Variants in DYNC2H1 observed in about 807,000 individuals in gnomAD.
DYNC2H1 encodes the protein cytoplasmic dynein 2 heavy chain 1.
Under a neutral mutation model 570.0 loss-of-function variants are expected in DYNC2H1, and 410 were observed. That is an observed-to-expected ratio of 0.72 (90% CI 0.66 to 0.78). The LOEUF (loss-of-function observed/expected upper bound fraction) is 0.78. Ranked by LOEUF, DYNC2H1 falls within the 30% of genes least tolerant of loss-of-function variation. The pLI is 0.00. For missense variants in DYNC2H1, 4,865 were observed against 5,046.4 expected (o/e 0.96, Z 1.09); for synonymous variants, 1,688 against 1,677.6 (o/e 1.01, Z -0.15).
Position 103,109,828 on chromosome 11 carries a change from C to T in DYNC2H1, c.195+59C>T, listed in dbSNP as rs1313575650. The T allele has an allele frequency of 3.3e-6, 5 of 1,522,624 alleles. No individual in the cohort carries two copies. The East Asian group carries it at 1.1e-4, about 35-fold the overall frequency. The allele number at this position is 1,522,624 out of a possible 1,614,324, so 94.3% of individuals were successfully genotyped here. A position where few individuals can be genotyped will look rare whatever the true frequency, so the allele number is the denominator to read the frequency against. On this transcript the variant is annotated intron_variant, in intron 1 of 88. Coordinates refer to ENST00000375735, the MANE Select transcript of DYNC2H1 (RefSeq NM_001377.3). ...CCACTCTTCAAGTCCCCAGGCCCAG[C>T]CAGAGGGACGTCGGGTCACACTCTT...
chr11:103,280,374 T>C lies in DYNC2H1; in HGVS notation c.10722T>C (p.His3574=). 2 of 1,556,058 alleles carry C rather than the reference T, an allele frequency of 1.3e-6. No homozygotes were observed. The highest frequency in any genetic ancestry group is 2.4e-5 in the South Asian group (2 of 84,432). The change falls in exon 71 of 89, where the codon CAT becomes CAC. Residue 3574 remains histidine, a synonymous_variant. Coordinates refer to ENST00000375735, the MANE Select transcript of DYNC2H1 (RefSeq NM_001377.3). This position sits in a 1 kb window ranked among gnomAD's most constrained non-coding sequence, Gnocchi z 4.7. ...FKADQLMFAL[H]FVRGMHPELF... ...CTGATCAGTTGATGTTCGCTTTGCA[T>C]TTTGTTCGAGGCATGCATCCTGAAC... is the stretch of plus-strand genomic sequence containing the variant.
chr11:103,328,103 A>G (rs1157880157), intron 82 of DYNC2H1, among the ~76,000 whole-genome samples: 1 of 152,214 alleles, frequency 6.6e-6, no homozygotes, highest in Non-Finnish European at 1.5e-5. Context: ...TTATCGTAAT[A>G]TGATCTAATT....
At chr11:103,212,134 A>G (rs182185281) in intron 54 of DYNC2H1, among the ~76,000 whole-genome samples, 191 bp downstream of exon 54, 2 of 152,086 alleles carry the variant, frequency 1.3e-5, no homozygotes, top group Non-Finnish European at 2.9e-5. Flanking sequence ...TATTTTTTTT[A>G]AAATTCAGTG....
intron 82 of DYNC2H1, among the ~76,000 whole-genome samples, chr11:103,350,566 A>T (rs1240578098): frequency 6.6e-6 from 1 of 152,132 alleles, no homozygotes; most frequent in African/African-American, 2.4e-5. Flanking sequence ...AGGTTGTATT[A>T]GTTGGCTTGG....
intron 59 of DYNC2H1, among the ~76,000 whole-genome samples, chr11:103,224,056 G>C (rs1863704469): frequency 6.6e-6 from 1 of 151,984 alleles, no homozygotes; most frequent in Non-Finnish European, 1.5e-5. Flanking sequence ...GGAAATTTAA[G>C]GCTTTTGTAT....
At position 103,239,325 on chromosome 11, in the gene DYNC2H1, T is replaced by C. The variant is rs1864338734; in HGVS notation, c.9819+2786T>C. ...AATTATAATGGTAAATTTACAACTT[T>C]AAAGTTAACTTCTCCACATAGGAAA... is the stretch of plus-strand genomic sequence containing the variant. On this transcript the variant is annotated intron_variant, in intron 63 of 88. Transcript: ENST00000375735. This position sits in a 1 kb window ranked among gnomAD's most constrained non-coding sequence, Gnocchi z 4.3. Among the ~76,000 whole-genome samples, 1 of 152,162 alleles carries C rather than the reference T, an allele frequency of 6.6e-6. No individual in the cohort carries two copies. The highest frequency in any genetic ancestry group is 1.5e-5 in the Non-Finnish European group (1 of 68,020).
rs1174969425 is a variant in DYNC2H1, at chr11:103,129,494, C to T, written c.1953+489C>T. On this transcript the variant is annotated intron_variant, in intron 13 of 88. Coordinates refer to ENST00000375735, the MANE Select transcript of DYNC2H1 (RefSeq NM_001377.3). This position sits in a 1 kb window ranked among gnomAD's most constrained non-coding sequence, Gnocchi z 4.1. ...ATCAGGGGTTTGAGACCAGCCTGGC[C>T]AACATGGTGAAACCCCATCTCAACT... Among the ~76,000 whole-genome samples the T allele has an allele frequency of 6.6e-6, 1 of 152,040 alleles. No individual in the cohort carries two copies. The highest frequency in any genetic ancestry group is 1.5e-5 in the Non-Finnish European group (1 of 68,002).
intron 59 of DYNC2H1, among the ~76,000 whole-genome samples, 186 bp downstream of exon 59, chr11:103,223,272 G>A (rs998483529): frequency 6.6e-6 from 1 of 152,076 alleles, no homozygotes; most frequent in African/African-American, 2.4e-5. Context: ...ATTAGAAGGA[G>A]AGAGAAGAAC....
chr11:103,188,750 A>G, intron 44 of DYNC2H1, 102 bp downstream of exon 44: 1 of 984,012 alleles, frequency 1.0e-6, no homozygotes, highest in Non-Finnish European at 1.4e-6. Context: ...TTTAGAATAT[A>G]AAAATGGTCA....
intron 83 of DYNC2H1, among the ~76,000 whole-genome samples, chr11:103,391,487 T>G (rs1481236936): frequency 2.0e-5 from 3 of 152,234 alleles, no homozygotes; most frequent in African/African-American, 7.2e-5. Context: ...GAAGCCTACT[T>G]CTCTCAACTC....
chr11:103,232,347 C>T (rs1232591402), intron 60 of DYNC2H1, among the ~76,000 whole-genome samples: 1 of 151,852 alleles, frequency 6.6e-6, no homozygotes, highest in Non-Finnish European at 1.5e-5. Context: ...TGAAGTTGAG[C>T]AGCTAGTAAA....
chr11:103,344,771 C>T (rs926531678), intron 82 of DYNC2H1, among the ~76,000 whole-genome samples: 7 of 152,080 alleles, frequency 4.6e-5, no homozygotes, highest in African/African-American at 7.2e-5. Flanking sequence ...AAATATAACA[C>T]TTAATATATA....
chr11:103,210,537 T>C (rs151118673), intron 53 of DYNC2H1, among the ~76,000 whole-genome samples: 1 of 152,144 alleles, frequency 6.6e-6, no homozygotes, highest in East Asian at 1.9e-4. Context: ...TGGTAGCTCA[T>C]AGTCCAGTGA....
intron 82 of DYNC2H1, among the ~76,000 whole-genome samples, chr11:103,330,217 T>C (rs313388): frequency 0.31 from 46,983 of 152,070 alleles, 8,594 homozygotes; most frequent in Non-Finnish European, 0.4. Context: ...TAAGTTTGTA[T>C]CTTGTGAATT....
In DYNC2H1 at chr11:103,304,689, T is replaced by C; in HGVS notation, c.11351T>C (p.Leu3784Pro). 1 of 1,612,980 alleles carries C rather than the reference T, an allele frequency of 6.2e-7. No individual in the cohort carries two copies. The highest frequency in any genetic ancestry group is 8.5e-7 in the Non-Finnish European group (1 of 1,179,254). Residue 3784 changes from leucine to proline, a missense_variant, in exon 77 of 89, where the codon CTT (leucine) becomes CCT (proline). Physicochemically the swap from Leu to Pro is moderately conservative, Grantham distance 98. Around this residue, in one of 5 missense-constraint regions of DYNC2H1, gnomAD observed 2,401 missense variants for 2,454.6 expected, o/e 0.98. Transcript: ENST00000375735. ...TGGCTCTGTTTGAAGAACTTACATC[T>C]TGTGGTATCTTGGCTGCCAGTTCTG... ...GDWLCLKNLHLVVSWLPVLEK... is the reference protein window; with the variant it reads ...GDWLCLKNLHPVVSWLPVLEK...
chr11:103,186,577 A>T lies in DYNC2H1; in HGVS notation c.6893+76A>T. 6.6e-7 allele frequency: 1 copy of T among 1,517,082 alleles called. No individual in the cohort carries two copies. Among genetic ancestry groups the T allele is most frequent in the Non-Finnish European group, 8.8e-7 (1 of 1,137,090 alleles). 94.0% of individuals were successfully genotyped at this position (1,517,082 alleles called of 1,614,324 possible). A position where few individuals can be genotyped will look rare whatever the true frequency, so the allele number is the denominator to read the frequency against. ...CCTAATTGATTTAATGGCTTTTGTT[A>T]TGTTTCTTTTGGTTAAAGTAGCATT... On this transcript the variant is annotated intron_variant, in intron 42 of 88. Transcript: ENST00000375735. The surrounding 1 kb of genome is among the most constrained non-coding windows in gnomAD (Gnocchi z 4.5).
chr11:103,111,913 A>G (rs1020384475), intron 1 of DYNC2H1, among the ~76,000 whole-genome samples: 1 of 152,250 alleles, frequency 6.6e-6, no homozygotes, highest in African/African-American at 2.4e-5. Flanking sequence ...ATGAACACAG[A>G]GTCCGTATCT....
chr11:103,181,921 G>T lies in DYNC2H1; in HGVS notation c.6477+35G>T. ...CCATAATATTTCATAATTAATCGAG[G>T]TGAGAAGTATGATTAAGAGTGATGC... On this transcript the variant is annotated intron_variant, in intron 40 of 88. Coordinates refer to ENST00000375735, the MANE Select transcript of DYNC2H1 (RefSeq NM_001377.3). This position sits in a 1 kb window ranked among gnomAD's most constrained non-coding sequence, Gnocchi z 5.0. 6.3e-7 allele frequency: 1 copy of T among 1,587,256 alleles called. No homozygotes were observed.
Position 103,200,118 on chromosome 11 carries a change from ACATTTTT to A in DYNC2H1, c.8162_8168del (p.Thr2721ArgfsTer3). Reference sequence around the variant, plus strand: ...TGAGGATTACCAGTTTGTACATCCTACATTTTTGGAGATGATCAATAGCCTTTTGTCT... The same window carrying A: ...TGAGGATTACCAGTTTGTACATCCTAGGAGATGATCAATAGCCTTTTGTCT... On this transcript the variant is annotated frameshift_variant, in exon 50 of 89. Transcript: ENST00000375735. LOFTEE classifies it high-confidence loss of function. 1 of 1,584,190 alleles carries A rather than the reference ACATTTTT, an allele frequency of 6.3e-7. No individual in the cohort carries two copies. Among genetic ancestry groups the A allele is most frequent in the Non-Finnish European group, 8.6e-7 (1 of 1,164,118 alleles).
Sources: allele counts gnomAD v4.1 joint callset (sites outside exome capture counted in the v4.1 genomes callset), GRCh38; gene constraint gnomAD v4.1.1; regional missense constraint gnomAD v4.1.1; non-coding constraint Gnocchi (gnomAD v3.1); transcripts MANE v1.5; gene names NCBI Gene and HGNC (gene_info 2026-07-23, HGNC 2026-07-21).